The following CATSPERB variants were observed in gnomAD, a reference collection of about 807,000 sequenced individuals.
CATSPERB encodes the protein cation channel sperm-associated auxiliary subunit beta.
Under a neutral mutation model 128.3 loss-of-function variants are expected in CATSPERB, and 93 were observed. The ratio of observed to expected loss-of-function variants is 0.72; its 90% CI spans 0.61 to 0.86. CATSPERB has a LOEUF of 0.86. CATSPERB is among the 40% of genes least tolerant of loss of function. The pLI is 0.00. For synonymous variants in CATSPERB, 381 were observed against 448.8 expected, an observed-to-expected ratio of 0.85 and a Z score of 1.91; for missense variants, 1,153 against 1,329.5, an observed-to-expected ratio of 0.87 and a Z score of 2.06.
At chr14:91,675,739 A>G (rs898810461) in intron 11 of CATSPERB, among the ~76,000 whole-genome samples, 9 of 151,920 alleles carry the variant, frequency 5.9e-5, no homozygotes, top group Admixed American at 3.9e-4. Context: ...TCTACCCTTT[A>G]AGGCAGCCTG....
intron 5 of CATSPERB, among the ~76,000 whole-genome samples, chr14:91,712,680 T>C (rs1357238953): frequency 1.3e-5 from 2 of 152,238 alleles, no homozygotes; most frequent in African/African-American, 4.8e-5. Flanking sequence ...TCATTCATTT[T>C]CTAGCCTGCT....
At chr14:91,615,258 C>A (rs146286680) in intron 20 of CATSPERB, among the ~76,000 whole-genome samples, 2 of 152,264 alleles carry the variant, frequency 1.3e-5, no homozygotes, top group Admixed American at 1.3e-4. Flanking sequence ...AGGAACTCGA[C>A]CCCTATTGTG....
rs775892294 is a variant in CATSPERB at position 91,659,855 on chromosome 14, C to T, written c.1414G>A (p.Val472Ile). 1.2e-6 allele frequency: 2 copies of T among 1,605,746 alleles called. No individual in the cohort carries two copies. The highest frequency in any genetic ancestry group is 1.8e-4 in the Middle Eastern group (1 of 5,596). The change falls in exon 15 of 27, where the codon GTT becomes ATT. Residue 472 changes from valine (V) to isoleucine (I), a missense_variant. By Grantham distance (29) the Val-to-Ile change is conservative. Transcript: ENST00000256343. Reference protein sequence around the residue: ...AITFVSQRGKVYSTKAGMGRY... With the variant: ...AITFVSQRGKIYSTKAGMGRY... ...TTCTTACCTGCCTTTGTCGAGTAAA[C>T]CTTTCCACGTTGAGAAACAAAAGTA...
At chr14:91,582,705 T>C (rs1743179) in intron 26 of CATSPERB, among the ~76,000 whole-genome samples, 134,791 of 151,978 alleles carry the variant, frequency 0.89, 59,992 homozygotes, top group East Asian at 0.96. Context: ...CTATTCTGAG[T>C]GCATAAAGGC....
At chr14:91,696,084 A>C (rs1200963041) in intron 7 of CATSPERB, among the ~76,000 whole-genome samples, 1 of 152,224 alleles carries the variant, frequency 6.6e-6, no homozygotes, top group East Asian at 1.9e-4. Context: ...CGTAATAGAC[A>C]ACTGAAGAGA....
At position 91,710,837 on chromosome 14, in the gene CATSPERB, A is replaced by AT. The variant is rs531957176; in HGVS notation, c.371-2602dup. On this transcript the variant is annotated intron_variant, in intron 5 of 26. Coordinates refer to ENST00000256343, the MANE Select transcript of CATSPERB (RefSeq NM_024764.4). The stretch of plus-strand genomic sequence containing the variant: ...TTCCATTAAACTAGTAACTTGAATA[A>AT]TTTTTTTTACCATATCTTGCTGTGG... Among the ~76,000 whole-genome samples the AT allele has an allele frequency of 4.9e-4, 74 of 152,088 alleles. 1 individual carries two copies. The South Asian group carries it at 0.011, about 23-fold the overall frequency.
Position 91,587,970 on chromosome 14 carries a change from A to G in CATSPERB, c.3057+8T>C. On this transcript the variant is annotated splice_region_variant and intron_variant, in intron 25 of 26. Transcript: ENST00000256343. ...TCAACACAGTAAAAACAACAATGCC[A>G]TCATTACCTTTATGCTTAAGTTGAG... 1.3e-6 allele frequency: 2 copies of G among 1,559,950 alleles called. No individual in the cohort carries two copies. Among genetic ancestry groups the G allele is most frequent in the Non-Finnish European group, 1.8e-6 (2 of 1,132,564 alleles).
chr14:91,723,183 G>A lies in CATSPERB; in HGVS notation c.175C>T (p.Gln59Ter). The change falls in exon 4 of 27, where the codon CAG (glutamine) becomes TAG (stop). Residue 59 changes from glutamine (Q) to a stop codon, truncating the protein, a stop_gained. Transcript: ENST00000256343. LOFTEE classifies it high-confidence loss of function. ...LYLFLENLKIQCFFQTENEIA... is the reference protein window; with the variant it reads ...LYLFLENLKI ...TCATTTTCAGTTTGGAAGAAACACT[G>A]GATTTTCTTTAGGAAAGCAAGAAAA... 1.4e-6 allele frequency: 2 copies of A among 1,461,210 alleles called. No individual in the cohort carries two copies. Among genetic ancestry groups the A allele is most frequent in the African/African-American group, 1.5e-5 (1 of 67,844 alleles). The allele number at this position is 1,461,210 out of a possible 1,614,324, so 90.5% of individuals were successfully genotyped here. A position where few individuals can be genotyped will look rare whatever the true frequency, so the allele number is the denominator to read the frequency against.
At chr14:91,717,357 T>A (rs910959336) in intron 5 of CATSPERB, among the ~76,000 whole-genome samples, 1 of 152,158 alleles carries the variant, frequency 6.6e-6, no homozygotes, top group African/African-American at 2.4e-5. Flanking sequence ...AGAATGCAAA[T>A]TATACCTTAT....
At chr14:91,631,619 C>T (rs1017534276) in intron 17 of CATSPERB, among the ~76,000 whole-genome samples, 3 of 151,934 alleles carry the variant, frequency 2.0e-5, no homozygotes, top group Admixed American at 1.3e-4. Context: ...GAGCTGAGAT[C>T]GCGCCATTGG....
chr14:91,590,692 G>C (rs940509423), intron 23 of CATSPERB, among the ~76,000 whole-genome samples: 1 of 147,904 alleles, frequency 6.8e-6, no homozygotes, highest in Non-Finnish European at 1.5e-5. Flanking sequence ...TTGCTCTGTC[G>C]CCCAGGCTAG....
chr14:91,630,626 C>A (rs1335957828), intron 17 of CATSPERB, among the ~76,000 whole-genome samples: 1 of 152,172 alleles, frequency 6.6e-6, no homozygotes, highest in African/African-American at 2.4e-5. Context: ...AATGCATCAT[C>A]AGATCCTGTC....
chr14:91,665,299 C>T (rs553299675), intron 14 of CATSPERB, among the ~76,000 whole-genome samples: 1 of 152,160 alleles, frequency 6.6e-6, no homozygotes, highest in Non-Finnish European at 1.5e-5. Flanking sequence ...GTTTCCAATC[C>T]ATGCGCCCTA....
chr14:91,595,294 ATTTAT>A (rs1386861739), intron 22 of CATSPERB, among the ~76,000 whole-genome samples: 1 of 111,414 alleles, frequency 9.0e-6, no homozygotes, highest in Non-Finnish European at 2.2e-5. Flanking sequence ...GATAAGGTTT[ATTTAT>A]TTATTTATTT....
intron 26 of CATSPERB, among the ~76,000 whole-genome samples, chr14:91,581,327 C>T (rs1339920694): frequency 6.6e-6 from 1 of 152,200 alleles, no homozygotes; most frequent in Non-Finnish European, 1.5e-5. Context: ...TATCCTATGC[C>T]TTTACCCTGT....
intron 17 of CATSPERB, among the ~76,000 whole-genome samples, chr14:91,634,199 A>T (rs1051218333): frequency 6.6e-6 from 1 of 151,386 alleles, no homozygotes; most frequent in Non-Finnish European, 1.5e-5. Flanking sequence ...AAGCTACGGG[A>T]AAAAATGTTA....
In CATSPERB at chr14:91,672,974, C is replaced by A. The variant is rs1170330968; in HGVS notation, c.1021G>T (p.Val341Leu). ...FYSQEPFLEWVPCLPHIFKGI... is the reference protein window; with the variant it reads ...FYSQEPFLEWLPCLPHIFKGI... ...TTAAAAATGTGAGGTAAGCAGGGTA[C>A]CCATTCAAGAAATGGTTCCTGACTA... Residue 341 changes from valine (V) to leucine (L), a missense_variant, in exon 13 of 27, where the codon GTA (valine) becomes TTA (leucine). Physicochemically the swap from Val to Leu is conservative, Grantham distance 32. Transcript: ENST00000256343. The A allele has an allele frequency of 1.9e-6, 3 of 1,588,986 alleles. No individual in the cohort carries two copies. The highest frequency in any genetic ancestry group is 1.4e-5 in the African/African-American group (1 of 73,076).
intron 7 of CATSPERB, among the ~76,000 whole-genome samples, chr14:91,703,398 C>G (rs1417791471): frequency 6.6e-6 from 1 of 152,138 alleles, no homozygotes; most frequent in African/African-American, 2.4e-5. Context: ...GGCCCCAGTT[C>G]CTGATACAGA....
chr14:91,624,084 A>T (rs1894104950), intron 18 of CATSPERB, among the ~76,000 whole-genome samples: 1 of 152,222 alleles, frequency 6.6e-6, no homozygotes, highest in Non-Finnish European at 1.5e-5. Flanking sequence ...GTGGTGGCTA[A>T]TGCCTATAAT....
Sources: gnomAD v4.1 joint callset for allele counts (sites outside exome capture counted in the v4.1 genomes callset) on GRCh38, gnomAD v4.1.1 for gene constraint, MANE v1.5 for transcripts, NCBI Gene and HGNC (gene_info 2026-07-23, HGNC 2026-07-21) for gene names.